The following MYOM1 variants were observed in gnomAD, a reference collection of about 807,000 sequenced individuals.
MYOM1 encodes myomesin-1.
Under a neutral mutation model 205.3 loss-of-function variants are expected in MYOM1, and 164 were observed. The ratio of observed to expected loss-of-function variants is 0.80; its 90% confidence interval spans 0.70 to 0.91. MYOM1 has a LOEUF of 0.91. Ranked by LOEUF, MYOM1 falls within the 40% of genes least tolerant of loss-of-function variation. MYOM1 has a pLI of 0.00. For synonymous variants in MYOM1, 772 were observed against 789.4 expected, an observed-to-expected ratio of 0.98 and a Z score of 0.37; for missense variants, 2,011 against 2,127.3, an observed-to-expected ratio of 0.95 and a Z score of 1.08.
intron 25 of MYOM1, among the ~76,000 whole-genome samples, chr18:3,098,586 CATTTCTAT>C (rs1038111095): frequency 8.6e-5 from 13 of 152,028 alleles, no homozygotes; most frequent in African/African-American, 3.1e-4. Flanking sequence ...CCTCTTACAG[CATTTCTAT>C]ATGGGAGGTG....
At chr18:3,128,623 C>G (rs938329151) in intron 18 of MYOM1, among the ~76,000 whole-genome samples, 1 of 151,558 alleles carries the variant, frequency 6.6e-6, no homozygotes, top group Non-Finnish European at 1.5e-5. Flanking sequence ...TTTCTTTTTT[C>G]ATTTCAAAAA....
At chr18:3,188,022 AG>A in intron 4 of MYOM1, among the ~76,000 whole-genome samples, 1 of 151,360 alleles carries the variant, frequency 6.6e-6, no homozygotes, top group East Asian at 2.0e-4. Flanking sequence ...TATTTTTAGT[AG>A]AGATTTTAGG....
At chr18:3,223,191 A>G (rs948356087), upstream of MYOM1, among the ~76,000 whole-genome samples, 7 of 152,200 alleles carry the variant, frequency 4.6e-5, no homozygotes, top group Non-Finnish European at 1.0e-4. Flanking sequence ...GTAAATCTCA[A>G]TTTCTTAATT....
chr18:3,080,492 G>A (rs1488905318), intron 33 of MYOM1, among the ~76,000 whole-genome samples: 2 of 151,886 alleles, frequency 1.3e-5, no homozygotes, highest in Admixed American at 1.3e-4. Context: ...TGGCCAACAT[G>A]GTGAAACCCT....
At chr18:3,151,671 C>G in intron 12 of MYOM1, 23 bp downstream of exon 12, 1 of 1,598,622 alleles carries the variant, frequency 6.3e-7, no homozygotes, top group South Asian at 1.1e-5. Flanking sequence ...TAGGGAAGGT[C>G]CTGAAAAATG....
At chr18:3,105,020 A>C (rs1050886463) in intron 22 of MYOM1, among the ~76,000 whole-genome samples, 1 of 152,114 alleles carries the variant, frequency 6.6e-6, no homozygotes, top group African/African-American at 2.4e-5. Flanking sequence ...AAGTGCTGGG[A>C]TTACAGACAT....
At chr18:3,160,440 C>T (rs1045691173) in intron 10 of MYOM1, among the ~76,000 whole-genome samples, 2 of 152,140 alleles carry the variant, frequency 1.3e-5, no homozygotes, top group African/African-American at 4.8e-5. Context: ...CCTATCTTGG[C>T]CTCCCAAAGT....
chr18:3,091,755 G>A (rs956704611), intron 26 of MYOM1, among the ~76,000 whole-genome samples: 3 of 131,000 alleles, frequency 2.3e-5, no homozygotes, highest in South Asian at 2.5e-4. Context: ...ATTTAGAGAC[G>A]GATTCTTGTT....
chr18:3,092,935 T>C (rs1443513762), intron 26 of MYOM1, among the ~76,000 whole-genome samples: 1 of 152,222 alleles, frequency 6.6e-6, no homozygotes, highest in Non-Finnish European at 1.5e-5. Context: ...CACATATGCA[T>C]GAATGTTCAC....
chr18:3,097,094 A>C (rs1052029032), intron 25 of MYOM1, among the ~76,000 whole-genome samples: 8 of 152,206 alleles, frequency 5.3e-5, no homozygotes, highest in Non-Finnish European at 1.5e-5. Flanking sequence ...TTACTGTGCC[A>C]AAGGATAAAG....
At chr18:3,163,026 C>CA (rs1367844320) in intron 10 of MYOM1, among the ~76,000 whole-genome samples, 8 of 55,614 alleles carry the variant, frequency 1.4e-4, no homozygotes, top group Non-Finnish European at 2.3e-4. Flanking sequence ...GACTCCCACT[C>CA]AAAAAAACAA....
At position 3,188,902 on chromosome 18, in the gene MYOM1, T is replaced by C. The variant is rs548278691; in HGVS notation, c.617A>G (p.Lys206Arg). Residue 206 changes from lysine to arginine, a missense_variant, in exon 4 of 38, where the codon AAG (lysine) becomes AGG (arginine). Coordinates refer to ENST00000356443, the MANE Select transcript of MYOM1 (RefSeq NM_003803.4). ...GGACTGCCTGGATGCCGTGGACTGC[T>C]TGGATGCTGTGGACTGCTTGGATGC... ...STASKQSTASKQSTASRQSTA... is the reference protein window; with the variant it reads ...STASKQSTASRQSTASRQSTA... 7.9e-5 allele frequency: 127 copies of C among 1,609,120 alleles called. No individual in the cohort carries two copies. Among genetic ancestry groups the C allele is most frequent in the Non-Finnish European group, 1.0e-4 (120 of 1,176,986 alleles).
At chr18:3,184,476 T>G (rs1471426642) in intron 5 of MYOM1, among the ~76,000 whole-genome samples, 1 of 152,244 alleles carries the variant, frequency 6.6e-6, no homozygotes, top group African/African-American at 2.4e-5. Context: ...AGTTATCTGC[T>G]AACTGATTGT....
chr18:3,089,486 T>G, intron 28 of MYOM1, 51 bp downstream of exon 28: 2 of 1,396,336 alleles, frequency 1.4e-6, no homozygotes, highest in Non-Finnish European at 2.0e-6. Flanking sequence ...CCTTGGAATC[T>G]TTTGTACAAA....
At chr18:3,123,827 A>ATTTTTTTTTTTT (rs5822739) in intron 19 of MYOM1, among the ~76,000 whole-genome samples, 1 of 147,382 alleles carries the variant, frequency 6.8e-6, no homozygotes, top group African/African-American at 2.6e-5. Context: ...ATTTTTATTT[A>ATTTTTTTTTTTT]TTTATTTTTT....
At chr18:3,218,172 G>A (rs1185877563) in intron 1 of MYOM1, among the ~76,000 whole-genome samples, 3 of 152,164 alleles carry the variant, frequency 2.0e-5, no homozygotes, top group Non-Finnish European at 2.9e-5. Flanking sequence ...ATCCACTGAA[G>A]CAGGCCTATC....
chr18:3,098,871 G>T (rs1487376352), intron 25 of MYOM1, among the ~76,000 whole-genome samples: 1 of 152,212 alleles, frequency 6.6e-6, no homozygotes, highest in Non-Finnish European at 1.5e-5. Context: ...GGCATAGAGG[G>T]TTCTTCCCTA....
In MYOM1 at chr18:3,214,924, T is replaced by A. The variant is rs1463049778; in HGVS notation, c.290+10A>T. 7 of 1,571,586 alleles carry A rather than the reference T, an allele frequency of 4.5e-6. No homozygotes were observed. The highest frequency in any genetic ancestry group is 2.3e-5 in the East Asian group (1 of 44,346). On this transcript the variant is annotated intron_variant, in intron 2 of 37. Transcript: ENST00000356443. The stretch of plus-strand genomic sequence containing the variant: ...GAGGTTGGAAGGTTGGAGGAGGGCG[T>A]CCGACATACCCATGGGAGGAGCCAT...
intron 22 of MYOM1, among the ~76,000 whole-genome samples, chr18:3,105,397 T>C (rs1240299329): frequency 6.6e-6 from 1 of 152,246 alleles, no homozygotes; most frequent in African/African-American, 2.4e-5. Context: ...TTGCATACTT[T>C]ATTTTAAAAC....
Sources: gnomAD v4.1 joint callset for allele counts (sites outside exome capture counted in the v4.1 genomes callset) on GRCh38, gnomAD v4.1.1 for gene constraint, MANE v1.5 for transcripts, NCBI Gene and HGNC (gene_info 2026-07-23, HGNC 2026-07-21) for gene names.